Variants in AP3S2 observed in about 807,000 individuals in gnomAD.
AP3S2 encodes the protein adaptor related protein complex 3 subunit sigma 2, also known as AP-3 complex subunit sigma-2.
A neutral mutation model predicts 23.4 loss-of-function variants in AP3S2; 22 were observed. The ratio of observed to expected loss-of-function variants is 0.94; its 90% CI spans 0.67 to 1.34. AP3S2 has a LOEUF of 1.34. Ranked by LOEUF, AP3S2 falls within the 40% of genes most tolerant of loss-of-function variation. The probability of loss-of-function intolerance (pLI) is 0.00; values close to 1 mark genes in which losing one functional copy is unlikely to be tolerated. For missense variants in AP3S2, 241 were observed against 236.9 expected (o/e 1.02, Z -0.11); for synonymous variants, 86 against 87.1 (o/e 0.99, Z 0.07).
intron 3 of AP3S2, among the ~76,000 whole-genome samples, chr15:89,885,371 T>A (rs949438828): frequency 6.6e-6 from 1 of 151,830 alleles, no homozygotes; most frequent in African/African-American, 2.4e-5. Flanking sequence ...CCCAGCTAAT[T>A]TTTCTATTTT....
At chr15:89,890,481 A>G (rs960962210) in intron 1 of AP3S2, among the ~76,000 whole-genome samples, 3 of 152,232 alleles carry the variant, frequency 2.0e-5, no homozygotes, top group Admixed American at 6.5e-5. Context: ...AGAGGGAGAA[A>G]CCAGCAATTA....
chr15:89,863,970 A>C (rs1315801914), intron 4 of AP3S2, among the ~76,000 whole-genome samples: 2 of 152,216 alleles, frequency 1.3e-5, no homozygotes, highest in African/African-American at 4.8e-5. Context: ...TATGAAAAGG[A>C]AGCCACCTAT....
At chr15:89,888,787 G>A in intron 2 of AP3S2, 155 bp from the exon 3 acceptor site, 1 of 910,552 alleles carries the variant, frequency 1.1e-6, no homozygotes, top group Non-Finnish European at 1.6e-6. Flanking sequence ...ACCAAGTTTG[G>A]CAGAGGTACC....
At chr15:89,872,408 T>C (rs953764216) in intron 3 of AP3S2, among the ~76,000 whole-genome samples, 7 of 152,224 alleles carry the variant, frequency 4.6e-5, no homozygotes, top group Non-Finnish European at 7.3e-5. Context: ...TACTTCTCTA[T>C]AGAACCTTTT....
intron 4 of AP3S2, chr15:89,852,549 T>A (rs1193716782): frequency 1.3e-5 from 2 of 152,138 alleles, no homozygotes; most frequent in Non-Finnish European, 2.9e-5. Flanking sequence ...TCAAATAATT[T>A]CCACCCCCGA....
At chr15:89,893,650 G>A in intron 1 of AP3S2, 1 of 529,198 alleles carries the variant, frequency 1.9e-6, no homozygotes. Context: ...AAATGGCACA[G>A]AAATGCCAGG....
At chr15:89,869,178 G>A (rs1257151818) in intron 4 of AP3S2, among the ~76,000 whole-genome samples, 1 of 151,516 alleles carries the variant, frequency 6.6e-6, no homozygotes, top group Non-Finnish European at 1.5e-5. Context: ...TGCCGTGTCT[G>A]TGTAGAAAGA....
chr15:89,844,263 CTT>C (rs1410753258), intron 4 of AP3S2, among the ~76,000 whole-genome samples: 25 of 16,432 alleles, frequency 1.5e-3, no homozygotes, highest in South Asian at 6.7e-3. Flanking sequence ...TTCTTTCTTT[CTT>C]TCTTTCTCTC....
At chr15:89,843,139 C>T (rs1222513802) in intron 4 of AP3S2, among the ~76,000 whole-genome samples, 1 of 151,896 alleles carries the variant, frequency 6.6e-6, no homozygotes, top group Admixed American at 6.6e-5. Flanking sequence ...CATGTGCCAC[C>T]ACGCCTGACT....
intron 4 of AP3S2, among the ~76,000 whole-genome samples, chr15:89,861,599 T>C (rs1896010474): frequency 6.6e-6 from 1 of 152,068 alleles, no homozygotes. Context: ...GAGCTGATGG[T>C]TACCCCAGAG....
chr15:89,853,055 T>C (rs1215254044), intron 4 of AP3S2, among the ~76,000 whole-genome samples: 1 of 152,252 alleles, frequency 6.6e-6, no homozygotes, highest in East Asian at 1.9e-4. Context: ...AATAACACAC[T>C]TCCCTCAATC....
chr15:89,837,802 G>T (rs1596184858), intron 4 of AP3S2, 80 bp from the exon 5 acceptor site: 2 of 1,548,172 alleles, frequency 1.3e-6, no homozygotes, highest in Non-Finnish European at 1.8e-6. Flanking sequence ...TTTTCCTGCA[G>T]CAGCAGAGTG....
At chr15:89,871,783 C>A (rs1181864438) in intron 3 of AP3S2, among the ~76,000 whole-genome samples, 2 of 152,122 alleles carry the variant, frequency 1.3e-5, no homozygotes, top group Non-Finnish European at 2.9e-5. Context: ...ACACAACCAG[C>A]AGACACATGT....
intron 4 of AP3S2, among the ~76,000 whole-genome samples, chr15:89,847,523 G>A (rs1895526958): frequency 6.6e-6 from 1 of 152,064 alleles, no homozygotes; most frequent in South Asian, 2.1e-4. Flanking sequence ...ACTAGGGGTG[G>A]GGACAAGTCA....
chr15:89,853,517 A>G (rs537964187), intron 4 of AP3S2, among the ~76,000 whole-genome samples: 78 of 152,372 alleles, frequency 5.1e-4, no homozygotes, highest in African/African-American at 1.3e-3. Context: ...TAAAGAATCA[A>G]TGAGGGCTGC....
chr15:89,880,029 T>C (rs1454836961), intron 3 of AP3S2, among the ~76,000 whole-genome samples: 1 of 151,048 alleles, frequency 6.6e-6, no homozygotes. Context: ...GATCTCAGAT[T>C]TTAGAGTTAT....
chr15:89,856,909 G>GA (rs1288168900), intron 4 of AP3S2, among the ~76,000 whole-genome samples: 1 of 146,748 alleles, frequency 6.8e-6, no homozygotes, highest in African/African-American at 2.6e-5. Flanking sequence ...AAAAGAAAAA[G>GA]AAACCCACAA....
At chr15:89,873,930 G>C (rs548112547) in intron 3 of AP3S2, among the ~76,000 whole-genome samples, 5 of 138,936 alleles carry the variant, frequency 3.6e-5, no homozygotes, top group Non-Finnish European at 6.1e-5. Flanking sequence ...ACCCAGGCTG[G>C]AGTGCTGTGG....
chr15:89,835,288 T>A lies in AP3S2; in HGVS notation c.*227A>T, dbSNP rs554698605. On this transcript the variant is annotated 3_prime_UTR_variant, in exon 6 of 6. Transcript: ENST00000336418. ...GCCCCTCACATCTGCAGTGGCCGTATGCATCAGAGAACGGCATGACTGCAC... is the reference window on the plus strand; with the variant it reads ...GCCCCTCACATCTGCAGTGGCCGTAAGCATCAGAGAACGGCATGACTGCAC... 3 of 654,194 alleles carry A rather than the reference T, an allele frequency of 4.6e-6. No individual in the cohort carries two copies. Among genetic ancestry groups the A allele is most frequent in the Non-Finnish European group, 7.4e-6 (3 of 405,256 alleles). 40.5% of individuals were successfully genotyped at this position (654,194 alleles called of 1,614,324 possible).
Sources: allele counts gnomAD v4.1 joint callset (sites outside exome capture counted in the v4.1 genomes callset), GRCh38; gene constraint gnomAD v4.1.1; transcripts MANE v1.5; gene names NCBI Gene and HGNC (gene_info 2026-07-23, HGNC 2026-07-21).